GPC3: variants seen among roughly 807,000 people sequenced by gnomAD.
GPC3 encodes the protein glypican 3.
Under a neutral mutation model 34.4 loss-of-function variants are expected in GPC3, and 3 were observed. That is an observed-to-expected ratio of 0.09 (90% CI 0.04 to 0.23). GPC3 has a LOEUF of 0.23. Among genes scored for constraint, GPC3 ranks in the 10% least tolerant of loss-of-function variants. The pLI is 1.00. For synonymous variants in GPC3, 177 were observed against 174.0 expected, an observed-to-expected ratio of 1.02 and a Z score of -0.13; for missense variants, 351 against 445.6, an observed-to-expected ratio of 0.79 and a Z score of 1.91.
chrX:133,566,362 G>A (rs1413197859), intron 7 of GPC3, among the ~76,000 whole-genome samples: 2 of 112,150 alleles, frequency 1.8e-5, no homozygotes, highest in Non-Finnish European at 1.9e-5. Context: ...CCAGACTCCA[G>A]TAGGGTGGTC....
chrX:133,935,935 C>T lies in GPC3; in HGVS notation c.337+17115G>A, dbSNP rs139796389. On this transcript the variant is annotated intron_variant, in intron 2 of 7. Coordinates refer to ENST00000370818, the MANE Select transcript of GPC3 (RefSeq NM_004484.4). ...GTTTCATAACAATCTTTTCTTGAGA[C>T]GGGGTCTCGCTCTGTCACCCAGGCT... 3.5e-3 allele frequency among the ~76,000 whole-genome samples: 381 copies of T among 110,167 alleles called. 2 individuals are homozygous for T. The highest frequency in any genetic ancestry group is 5.9e-3 in the Non-Finnish European group (310 of 52,894).
At chrX:133,749,278 A>T (rs943482877) in intron 3 of GPC3, among the ~76,000 whole-genome samples, 1 of 111,256 alleles carries the variant, frequency 9.0e-6, no homozygotes, top group Non-Finnish European at 1.9e-5. Flanking sequence ...AAAAGAGAAC[A>T]AAACGAAACA....
At chrX:133,786,050 C>T (rs1037247823) in intron 2 of GPC3, among the ~76,000 whole-genome samples, 4 of 112,058 alleles carry the variant, frequency 3.6e-5, no homozygotes, top group Non-Finnish European at 7.5e-5. Flanking sequence ...AAACGTCTCT[C>T]ATCAAAAGCT....
At chrX:133,768,059 A>G (rs1312366863) in intron 2 of GPC3, among the ~76,000 whole-genome samples, 1 of 110,842 alleles carries the variant, frequency 9.0e-6, no homozygotes, top group African/African-American at 3.3e-5. Context: ...TTCTTAGTCT[A>G]GCTGGGCACG....
chrX:133,768,912 C>A (rs2071882581), intron 2 of GPC3, among the ~76,000 whole-genome samples: 1 of 109,863 alleles, frequency 9.1e-6, no homozygotes, highest in African/African-American at 3.3e-5. Flanking sequence ...TGCACTCCAG[C>A]CTGGGTGACA....
At chrX:133,797,213 G>A (rs755829253) in intron 2 of GPC3, among the ~76,000 whole-genome samples, 7 of 110,014 alleles carry the variant, frequency 6.4e-5, no homozygotes, top group African/African-American at 6.6e-5. Context: ...GGTCTCAGCC[G>A]CAATCAGATT....
chrX:133,869,818 G>A (rs954008299), intron 2 of GPC3, among the ~76,000 whole-genome samples: 17 of 111,550 alleles, frequency 1.5e-4, no homozygotes, highest in South Asian at 3.8e-4. Context: ...AGCCGGGCGC[G>A]GTGGTGGGCG....
chrX:133,819,272 G>A (rs968893654), intron 2 of GPC3, among the ~76,000 whole-genome samples: 5 of 103,714 alleles, frequency 4.8e-5, no homozygotes, highest in African/African-American at 1.1e-4. Flanking sequence ...CAACACTTAC[G>A]GCGTCAGGGG....
At chrX:133,586,662 G>T (rs2069791200) in intron 7 of GPC3, among the ~76,000 whole-genome samples, 2 of 111,794 alleles carry the variant, frequency 1.8e-5, no homozygotes, top group African/African-American at 6.5e-5. Flanking sequence ...TTGTGACTAT[G>T]TGGTTATTTG....
intron 2 of GPC3, among the ~76,000 whole-genome samples, chrX:133,929,627 T>C (rs1213630685): frequency 9.0e-6 from 1 of 111,728 alleles, no homozygotes; most frequent in Non-Finnish European, 1.9e-5. Flanking sequence ...GGAGAGATAA[T>C]TTATTAACAA....
chrX:133,897,097 A>G (rs112953342), intron 2 of GPC3, among the ~76,000 whole-genome samples: 5,259 of 108,052 alleles, frequency 0.049, 314 homozygotes, highest in African/African-American at 0.17. Context: ...TAGTAGAGAC[A>G]GGGTTTCACC....
chrX:133,626,733 C>G (rs748978750), intron 6 of GPC3, among the ~76,000 whole-genome samples: 1 of 107,043 alleles, frequency 9.3e-6, no homozygotes, highest in East Asian at 2.9e-4. Context: ...TATACTAGAT[C>G]AACCATTGTG....
chrX:133,849,535 TTTTATTTA>T (rs1254526732), intron 2 of GPC3, among the ~76,000 whole-genome samples: 1 of 111,589 alleles, frequency 9.0e-6, no homozygotes, highest in Non-Finnish European at 1.9e-5. Context: ...ATCAGCCTCC[TTTTATTTA>T]TTTATTTATG....
rs142268728 is a variant in GPC3 at position 133,780,434 on chromosome X, T to C, written c.338-26258A>G. ...TTTAGTTTTCTAGAGGGCCTAGCCA[T>C]TCCTCATTTTAAATGTTTTCCTGTC... On this transcript the variant is annotated intron_variant, in intron 2 of 7. Coordinates refer to ENST00000370818, the MANE Select transcript of GPC3 (RefSeq NM_004484.4). 7.5e-3 allele frequency among the ~76,000 whole-genome samples: 836 copies of C among 111,382 alleles called. 5 individuals are homozygous for C. The highest frequency in any genetic ancestry group is 0.025 in the African/African-American group (780 of 30,645).
At chrX:133,643,717 C>G (rs1161885463) in intron 6 of GPC3, among the ~76,000 whole-genome samples, 1 of 111,057 alleles carries the variant, frequency 9.0e-6, no homozygotes, top group Non-Finnish European at 1.9e-5. Context: ...CTATGCACAA[C>G]TGTGTTTTAA....
chrX:133,758,469 T>C (rs865857085), intron 2 of GPC3, among the ~76,000 whole-genome samples: 7 of 111,557 alleles, frequency 6.3e-5, no homozygotes, highest in African/African-American at 1.6e-4. Flanking sequence ...TAACACCGCA[T>C]GTTCTCATTT....
At chrX:133,853,796 G>C (rs1449650711) in intron 2 of GPC3, among the ~76,000 whole-genome samples, 1 of 112,265 alleles carries the variant, frequency 8.9e-6, no homozygotes, top group Non-Finnish European at 1.9e-5. Flanking sequence ...CTGGCAAGGA[G>C]AATGGAGAAA....
intron 2 of GPC3, among the ~76,000 whole-genome samples, chrX:133,950,254 C>A (rs1012203087): frequency 8.9e-6 from 1 of 112,004 alleles, no homozygotes; most frequent in Non-Finnish European, 1.9e-5. Context: ...ATGCTTCAAT[C>A]ATTATCAAAA....
chrX:133,845,993 T>C (rs181744223), intron 2 of GPC3, among the ~76,000 whole-genome samples: 10 of 111,815 alleles, frequency 8.9e-5, no homozygotes, highest in African/African-American at 2.9e-4. Context: ...AAGAAGTACA[T>C]AGATGCAAGT....
Sources: allele counts gnomAD v4.1 joint callset (sites outside exome capture counted in the v4.1 genomes callset), GRCh38; gene constraint gnomAD v4.1.1; transcripts MANE v1.5; gene names NCBI Gene and HGNC (gene_info 2026-07-23, HGNC 2026-07-21).